Variants in DLGAP2 observed in about 807,000 individuals in gnomAD.
DLGAP2 encodes the protein DLG associated protein 2, also known as disks large-associated protein 2.
A neutral mutation model predicts 100.3 loss-of-function variants in DLGAP2; 26 were observed. That is an observed-to-expected ratio of 0.26 (90% CI 0.19 to 0.36). The LOEUF (loss-of-function observed/expected upper bound fraction) is 0.36. Among genes scored for constraint, DLGAP2 ranks in the 10% least tolerant of loss-of-function variants. The pLI is 1.00. For synonymous variants in DLGAP2, 886 were observed against 630.1 expected, an observed-to-expected ratio of 1.41 and a Z score of -6.08; for missense variants, 1,858 against 1,453.2, an observed-to-expected ratio of 1.28 and a Z score of -4.53.
chr8:1,407,711 G>A lies in DLGAP2; in HGVS notation c.107-93655G>A, dbSNP rs1400368302. ...CGCCACCTCCTCATCCTCCAGAGTC[G>A]TGTATTGAGTGCTTACTGAGCGCCA... On this transcript the variant is annotated intron_variant, in intron 3 of 14. Transcript: ENST00000637795. Among the ~76,000 whole-genome samples the A allele has an allele frequency of 3.4e-5, 4 of 119,396 alleles. 1 individual carries two copies. The highest frequency in any genetic ancestry group is 7.1e-5 in the Non-Finnish European group (4 of 56,632). The allele number at this position is 119,396 out of a possible 152,430, so 78.3% of individuals were successfully genotyped here.
At chr8:1,548,484 A>AAAAAAAAC (rs397734475) in intron 4 of DLGAP2, 142 bp from the exon 5 acceptor site, 11 of 510,094 alleles carry the variant, frequency 2.2e-5, no homozygotes, top group African/African-American at 2.2e-4. Context: ...AAAAAAAAAA[A>AAAAAAAAC]CCCACAAATC....
intron 6 of DLGAP2, among the ~76,000 whole-genome samples, chr8:1,607,319 C>T (rs954369727): frequency 6.6e-6 from 1 of 152,072 alleles, no homozygotes; most frequent in Non-Finnish European, 1.5e-5. Context: ...TGTGTATGTT[C>T]ATCAGTATGG....
chr8:1,254,197 C>T (rs974999062), intron 2 of DLGAP2, among the ~76,000 whole-genome samples: 2 of 152,206 alleles, frequency 1.3e-5, no homozygotes, highest in Non-Finnish European at 2.9e-5. Flanking sequence ...TCTCCCTTCC[C>T]TGAAATCAGT....
chr8:787,178 C>G (rs537475732), intron 1 of DLGAP2, among the ~76,000 whole-genome samples: 156 of 152,322 alleles, frequency 1.0e-3, no homozygotes, highest in African/African-American at 3.5e-3. Flanking sequence ...AATCTTCACC[C>G]AGCCTCAGCT....
chr8:1,505,549 T>C (rs549521282), intron 4 of DLGAP2, among the ~76,000 whole-genome samples: 5 of 152,216 alleles, frequency 3.3e-5, no homozygotes, highest in Non-Finnish European at 7.3e-5. Flanking sequence ...CTGAAGCTCA[T>C]AGAGTGTAAT....
At chr8:761,394 T>C (rs1300546722) in intron 1 of DLGAP2, among the ~76,000 whole-genome samples, 2 of 152,248 alleles carry the variant, frequency 1.3e-5, no homozygotes, top group African/African-American at 2.4e-5. Context: ...TGCAGTTCTA[T>C]TGCATCACGG....
intron 6 of DLGAP2, among the ~76,000 whole-genome samples, chr8:1,588,045 C>T (rs1796178234): frequency 6.6e-6 from 1 of 152,166 alleles, no homozygotes; most frequent in South Asian, 2.1e-4. Context: ...TAATAGAGTT[C>T]TGGTAGCACA....
intron 2 of DLGAP2, among the ~76,000 whole-genome samples, chr8:1,204,377 G>A (rs150802769): frequency 1.4e-4 from 21 of 152,354 alleles, no homozygotes; most frequent in African/African-American, 4.6e-4. Context: ...AAAGAAAGAT[G>A]GATTTTGGAG....
intron 3 of DLGAP2, among the ~76,000 whole-genome samples, chr8:1,444,747 G>T (rs370932873): frequency 7.0e-6 from 1 of 143,222 alleles, no homozygotes; most frequent in African/African-American, 2.6e-5. Flanking sequence ...GGCATTTCAT[G>T]ATCATGCTTT....
At chr8:1,337,862 A>G (rs1447833396) in intron 3 of DLGAP2, among the ~76,000 whole-genome samples, 1 of 152,254 alleles carries the variant, frequency 6.6e-6, no homozygotes, top group Non-Finnish European at 1.5e-5. Flanking sequence ...GACCAGTCAA[A>G]TTAAAAATGG....
intron 3 of DLGAP2, among the ~76,000 whole-genome samples, chr8:1,393,043 G>C (rs890806819): frequency 2.0e-5 from 1 of 49,242 alleles, no homozygotes; most frequent in Non-Finnish European, 4.1e-5. Flanking sequence ...CGTGTATTGA[G>C]TGCTTACTGA....
intron 2 of DLGAP2, among the ~76,000 whole-genome samples, chr8:1,174,386 A>G (rs1278411390): frequency 6.6e-5 from 10 of 151,754 alleles, no homozygotes; most frequent in Non-Finnish European, 1.5e-4. Context: ...TACCATTACC[A>G]CCATCATCAT....
intron 2 of DLGAP2, among the ~76,000 whole-genome samples, chr8:972,619 A>T (rs114974330): frequency 0.025 from 1,766 of 71,060 alleles, 38 homozygotes; most frequent in African/African-American, 0.073. Flanking sequence ...TTTTTTTCTT[A>T]TTTATTTATT....
intron 14 of DLGAP2, 118 bp downstream of exon 14, chr8:1,697,417 C>G: frequency 7.1e-7 from 1 of 1,405,204 alleles, no homozygotes; most frequent in Non-Finnish European, 9.6e-7. Context: ...AACACACGAG[C>G]AAATTTCCCT....
At chr8:1,551,840 A>T (rs1584918786) in intron 5 of DLGAP2, among the ~76,000 whole-genome samples, 1 of 152,104 alleles carries the variant, frequency 6.6e-6, no homozygotes, top group Non-Finnish European at 1.5e-5. Flanking sequence ...GCATTATATC[A>T]TCCTGGTCAG....
chr8:1,688,590 A>T (rs1407170882), intron 12 of DLGAP2, among the ~76,000 whole-genome samples: 1 of 152,146 alleles, frequency 6.6e-6, no homozygotes, highest in African/African-American at 2.4e-5. Flanking sequence ...TCTCCACGGA[A>T]TGGGGAGGGA....
intron 2 of DLGAP2, among the ~76,000 whole-genome samples, chr8:989,491 C>T (rs1204851189): frequency 1.3e-5 from 2 of 152,216 alleles, no homozygotes; most frequent in Non-Finnish European, 2.9e-5. Context: ...GTTCCAGCTG[C>T]AGTCGACGGA....
chr8:891,998 G>A lies in DLGAP2; in HGVS notation c.19-15914G>A, dbSNP rs147718167. Among the ~76,000 whole-genome samples the A allele has an allele frequency of 1.7e-3, 258 of 152,350 alleles. 1 individual carries two copies. The highest frequency in any genetic ancestry group is 3.4e-3 in the Middle Eastern group (1 of 294). ...TGCACGTAAGTGTGCATGAGTCAGT[G>A]CCGAGAAAGCCCCTTTTGCCCCTTA... On this transcript the variant is annotated intron_variant, in intron 1 of 14. Coordinates refer to ENST00000637795, the MANE Select transcript of DLGAP2 (RefSeq NM_001346810.2).
intron 1 of DLGAP2, among the ~76,000 whole-genome samples, chr8:899,998 G>T (rs564881841): frequency 3.9e-5 from 6 of 152,246 alleles, no homozygotes; most frequent in Admixed American, 2.6e-4. Context: ...ATGGGTGACC[G>T]AAGAGAAAGC....
Sources: gnomAD v4.1 joint callset for allele counts (sites outside exome capture counted in the v4.1 genomes callset) on GRCh38, gnomAD v4.1.1 for gene constraint, MANE v1.5 for transcripts, NCBI Gene and HGNC (gene_info 2026-07-23, HGNC 2026-07-21) for gene names.